FAM222B: variants seen among roughly 807,000 people sequenced by gnomAD.
The protein encoded by FAM222B is family with sequence similarity 222 member B.
In FAM222B, 12 loss-of-function variants were observed where a neutral mutation model predicts 38.0. That is an observed-to-expected ratio of 0.32 (90% CI 0.20 to 0.51). FAM222B has a LOEUF of 0.51. Among genes scored for constraint, FAM222B ranks in the 20% least tolerant of loss-of-function variants. FAM222B has a pLI of 0.97. For synonymous variants in FAM222B, 329 were observed against 317.2 expected (o/e 1.04, Z -0.40); for missense variants, 716 against 754.2 (o/e 0.95, Z 0.59).
At chr17:28,779,790 A>ATAAATAAG (rs1555573378) in intron 1 of FAM222B, among the ~76,000 whole-genome samples, 9 of 151,620 alleles carry the variant, frequency 5.9e-5, no homozygotes, top group Non-Finnish European at 7.4e-5. Flanking sequence ...AAATAAATAA[A>ATAAATAAG]TAAAGCATCT....
chr17:28,766,050 G>T (rs1269246877), intron 2 of FAM222B, among the ~76,000 whole-genome samples: 3 of 146,070 alleles, frequency 2.1e-5, no homozygotes, highest in African/African-American at 7.4e-5. Context: ...TTTTTTAAGG[G>T]TGATATATAT....
chr17:28,790,883 A>AAATTTTTTTTTTTTTTTTTTTTTTT (rs1567838640), intron 1 of FAM222B, among the ~76,000 whole-genome samples: 4 of 8,906 alleles, frequency 4.5e-4, no homozygotes, highest in African/African-American at 2.2e-3. Flanking sequence ...AAATTGTTTC[A>AAATTTTTTTTTTTTTTTTTTTTTTT]CTTTTTTTTT....
chr17:28,820,065 T>C (rs1431037982), intron 1 of FAM222B, among the ~76,000 whole-genome samples: 3 of 152,204 alleles, frequency 2.0e-5, no homozygotes, highest in Admixed American at 1.3e-4. Flanking sequence ...AAAAACTTCA[T>C]GTTACTTTGT....
At chr17:28,843,287 A>G (rs1046925642), upstream of FAM222B, among the ~76,000 whole-genome samples, 16 of 150,160 alleles carry the variant, frequency 1.1e-4, no homozygotes, top group Admixed American at 9.3e-4. Flanking sequence ...ACAGGCATGC[A>G]CCACCACGCC....
At chr17:28,772,585 AAAAAG>A (rs2035687790) in intron 1 of FAM222B, among the ~76,000 whole-genome samples, 2 of 150,920 alleles carry the variant, frequency 1.3e-5, no homozygotes, top group Non-Finnish European at 3.0e-5. Flanking sequence ...AAAAAAAAAA[AAAAAG>A]AACAGAGAGA....
chr17:28,822,322 A>G (rs2038255406), intron 1 of FAM222B, among the ~76,000 whole-genome samples: 1 of 149,352 alleles, frequency 6.7e-6, no homozygotes, highest in African/African-American at 2.4e-5. Flanking sequence ...CCCGGCCTAA[A>G]AGTATTTTTT....
intron 1 of FAM222B, among the ~76,000 whole-genome samples, chr17:28,825,274 A>G (rs2038395868): frequency 6.6e-6 from 1 of 151,798 alleles, no homozygotes; most frequent in Non-Finnish European, 1.5e-5. Flanking sequence ...CTCTACCAAA[A>G]ATACAAAAAA....
At chr17:28,852,391 C>T (rs551960777) in intron 1 of FAM222B, among the ~76,000 whole-genome samples, 16 of 151,980 alleles carry the variant, frequency 1.1e-4, no homozygotes, top group East Asian at 1.9e-4. Context: ...CAGTGACTCA[C>T]GCCTGTTATC....
chr17:28,775,752 G>C (rs1043922410), intron 1 of FAM222B, among the ~76,000 whole-genome samples: 1 of 151,552 alleles, frequency 6.6e-6, no homozygotes, highest in Non-Finnish European at 1.5e-5. Context: ...ATGGTGGCTC[G>C]AGACTATAGT....
chr17:28,818,061 C>A (rs1324128992), intron 1 of FAM222B, among the ~76,000 whole-genome samples: 1 of 152,010 alleles, frequency 6.6e-6, no homozygotes, highest in African/African-American at 2.4e-5. Context: ...CTATTGCATG[C>A]AGTTTAAAAG....
intron 1 of FAM222B, among the ~76,000 whole-genome samples, chr17:28,779,781 A>G (rs1406961300): frequency 6.6e-6 from 1 of 151,458 alleles, no homozygotes; most frequent in Non-Finnish European, 1.5e-5. Context: ...TAAATAAATA[A>G]ATAAATAAAT....
intron 1 of FAM222B, among the ~76,000 whole-genome samples, chr17:28,774,562 T>G (rs1042531923): frequency 3.3e-5 from 5 of 152,206 alleles, no homozygotes; most frequent in Admixed American, 6.5e-5. Context: ...ACAAACCTTT[T>G]TCCCTACTGG....
chr17:28,817,210 G>A lies in FAM222B; in HGVS notation c.-41+25472C>T, dbSNP rs375516803. Reference sequence around the variant, plus strand: ...ATGGATCAACTGAGGTCAGCAGTTCGAGACCAGCCTGGCCAACATTGTGAA... The same window carrying A: ...ATGGATCAACTGAGGTCAGCAGTTCAAGACCAGCCTGGCCAACATTGTGAA... On this transcript the variant is annotated intron_variant, in intron 1 of 2. Coordinates refer to ENST00000581407, the MANE Select transcript of FAM222B (RefSeq NM_001077498.3). Among the ~76,000 whole-genome samples the A allele has an allele frequency of 1.6e-4, 24 of 151,884 alleles. 1 individual carries two copies. The East Asian group carries it at 3.9e-3, about 25-fold the overall frequency.
chr17:28,835,457 A>G (rs2038811409), intron 1 of FAM222B, among the ~76,000 whole-genome samples: 1 of 152,190 alleles, frequency 6.6e-6, no homozygotes, highest in Non-Finnish European at 1.5e-5. Flanking sequence ...TGAAAGGATC[A>G]ACTCCAACAT....
chr17:28,764,259 G>C (rs2035221433), intron 2 of FAM222B, among the ~76,000 whole-genome samples: 2 of 125,606 alleles, frequency 1.6e-5, no homozygotes, highest in African/African-American at 6.0e-5. Flanking sequence ...GTGACAGAGG[G>C]AGACTCCATC....
At chr17:28,769,356 T>C (rs2035508212) in intron 1 of FAM222B, among the ~76,000 whole-genome samples, 1 of 152,004 alleles carries the variant, frequency 6.6e-6, no homozygotes, top group South Asian at 2.1e-4. Context: ...TTTTTTTTTG[T>C]ATTTTTAGTA....
chr17:28,770,569 A>G (rs1030840776), intron 1 of FAM222B, among the ~76,000 whole-genome samples: 2 of 138,972 alleles, frequency 1.4e-5, no homozygotes, highest in Non-Finnish European at 3.2e-5. Flanking sequence ...TGCCCAGCTA[A>G]TATTTTTTTT....
chr17:28,832,253 A>C, intron 1 of FAM222B, among the ~76,000 whole-genome samples: 1 of 152,224 alleles, frequency 6.6e-6, no homozygotes, highest in South Asian at 2.1e-4. Context: ...TAGGAGGATT[A>C]GAAATCTAAT....
At position 28,759,812 on chromosome 17, in the gene FAM222B, A is replaced by G; in HGVS notation, c.147T>C (p.Ala49=). ...YPTPAELDAY[A]KKVANNPLTI... is the part of the protein sequence containing the mutation. ...TCAGTGGGTTGTTTGCGACCTTCTT[A>G]GCATACGCATCCAATTCGGCTGGGG... Residue 49 remains alanine (A), a synonymous_variant, in exon 3 of 3, where the codon GCT becomes GCC. Coordinates refer to ENST00000581407, the MANE Select transcript of FAM222B (RefSeq NM_001077498.3). This position sits in a 1 kb window ranked among gnomAD's most constrained non-coding sequence, Gnocchi z 4.8. 1 of 1,601,480 alleles carries G rather than the reference A, an allele frequency of 6.2e-7. No individual in the cohort carries two copies. The highest frequency in any genetic ancestry group is 8.5e-7 in the Non-Finnish European group (1 of 1,174,020).
Sources: allele counts gnomAD v4.1 joint callset (sites outside exome capture counted in the v4.1 genomes callset), GRCh38; gene constraint gnomAD v4.1.1; non-coding constraint Gnocchi (gnomAD v3.1); transcripts MANE v1.5; gene names NCBI Gene and HGNC (gene_info 2026-07-23, HGNC 2026-07-21).